Variants in NDST4 observed in about 807,000 individuals in gnomAD.
NDST4 encodes the protein N-heparan sulfate sulfotransferase 4.
A neutral mutation model predicts 100.8 loss-of-function variants in NDST4; 63 were observed. The observed-to-expected ratio is 0.62, with a 90% CI of 0.51 to 0.77. The LOEUF (loss-of-function observed/expected upper bound fraction) is 0.77, where lower values mean the gene tolerates loss of function less well. Among genes scored for constraint, NDST4 ranks in the 30% least tolerant of loss-of-function variants. The probability of loss-of-function intolerance (pLI) is 0.00; values close to 1 mark genes in which losing one functional copy is unlikely to be tolerated. For missense variants in NDST4, 943 were observed against 1,018.4 expected (o/e 0.93, Z 1.01); for synonymous variants, 377 against 361.8 (o/e 1.04, Z -0.48).
At chr4:114,919,642 A>C (rs1441847019) in intron 6 of NDST4, among the ~76,000 whole-genome samples, 1 of 152,236 alleles carries the variant, frequency 6.6e-6, no homozygotes, top group Admixed American at 6.5e-5. Flanking sequence ...GGGCCAGGTC[A>C]TGGTCCAGAG....
intron 2 of NDST4, among the ~76,000 whole-genome samples, chr4:115,005,263 T>C (rs1727387675): frequency 6.6e-6 from 1 of 152,168 alleles, no homozygotes; most frequent in South Asian, 2.1e-4. Flanking sequence ...GGAGACAGTC[T>C]ATAGACCTAA....
Position 114,891,788 on chromosome 4 carries a change from A to G in NDST4, c.1537-20838T>C, listed in dbSNP as rs143165973. ...TCTCGTTAAAGCTGAGGTTGCTTCA[A>G]AACTATTTGAGGCCCTTCATGGTCT... On this transcript the variant is annotated intron_variant, in intron 6 of 13. Coordinates refer to ENST00000264363, the MANE Select transcript of NDST4 (RefSeq NM_022569.3). Among the ~76,000 whole-genome samples the G allele has an allele frequency of 2.6e-5, 4 of 152,192 alleles. 1 individual carries two copies. In the East Asian group the frequency reaches 7.7e-4, roughly 29 times the overall value.
At chr4:114,950,797 T>C (rs189272574) in intron 4 of NDST4, among the ~76,000 whole-genome samples, 53 of 152,236 alleles carry the variant, frequency 3.5e-4, no homozygotes, top group African/African-American at 1.2e-3. Context: ...TTGTTCATTT[T>C]TTTTTCTTAC....
intron 2 of NDST4, among the ~76,000 whole-genome samples, chr4:115,061,458 T>A (rs1248837647): frequency 6.6e-6 from 1 of 151,592 alleles, no homozygotes; most frequent in Non-Finnish European, 1.5e-5. Flanking sequence ...AAAGAATGAG[T>A]TCATGTCCTT....
chr4:114,845,959 C>G lies in NDST4; in HGVS notation c.1979G>C (p.Ser660Thr), dbSNP rs202183373. Reference sequence around the variant, plus strand: ...AGCACTCTTTTCAAACAGAAAGTCACTTGTAGTATTGGATGGTGTAGGGAA... The same window carrying G: ...AGCACTCTTTTCAAACAGAAAGTCAGTTGTAGTATTGGATGGTGTAGGGAA... ...DFFPTPSNTT[S>T]DFLFEKSANY... The change falls in exon 10 of 14, where the codon AGT becomes ACT. Residue 660 changes from serine (S) to threonine (T), a missense_variant. This residue lies in a region of NDST4 where 526 missense variants were observed against 634.1 expected (regional missense o/e 0.83). Coordinates refer to ENST00000264363, the MANE Select transcript of NDST4 (RefSeq NM_022569.3). 1 of 1,613,702 alleles carries G rather than the reference C, an allele frequency of 6.2e-7. No individual in the cohort carries two copies. The highest frequency in any genetic ancestry group is 1.3e-5 in the African/African-American group (1 of 75,020).
intron 6 of NDST4, among the ~76,000 whole-genome samples, chr4:114,879,059 T>C (rs1208066319): frequency 1.3e-5 from 2 of 152,260 alleles, no homozygotes; most frequent in South Asian, 2.1e-4. Flanking sequence ...TGATAAATAA[T>C]AATTGTATAT....
intron 2 of NDST4, among the ~76,000 whole-genome samples, chr4:115,023,938 G>A (rs578201808): frequency 9.9e-5 from 15 of 151,498 alleles, no homozygotes; most frequent in Admixed American, 1.3e-4. Context: ...CCATTCCAGT[G>A]CAATGCTTCT....
In NDST4 at chr4:115,042,737, A is replaced by G. The variant is rs1272256598; in HGVS notation, c.978+33322T>C. Among the ~76,000 whole-genome samples the G allele has an allele frequency of 3.9e-5, 6 of 152,068 alleles. No individual in the cohort carries two copies. In the East Asian group the frequency reaches 7.7e-4, roughly 20 times the overall value. On this transcript the variant is annotated intron_variant, in intron 2 of 13. Transcript: ENST00000264363. ...GAGGGGAGACTACTGCACTCATTAT[A>G]TACTAGGCATCTTAACAACTGGCAG...
intron 3 of NDST4, among the ~76,000 whole-genome samples, chr4:114,972,583 T>G (rs1726538079): frequency 6.6e-6 from 1 of 152,032 alleles, no homozygotes; most frequent in African/African-American, 2.4e-5. Flanking sequence ...GTTTACCACT[T>G]CCTCAGATGA....
chr4:114,964,812 T>C lies in NDST4; in HGVS notation c.1221+5618A>G, dbSNP rs576642698. On this transcript the variant is annotated intron_variant, in intron 4 of 13. Transcript: ENST00000264363. The stretch of plus-strand genomic sequence containing the variant: ...ATTCCACTCTTTGATTCTACCAATT[T>C]GACTGTTTTAGATACCTTATATAAG... Among the ~76,000 whole-genome samples, 16 of 152,312 alleles carry C rather than the reference T, an allele frequency of 1.1e-4. No homozygotes were observed. The South Asian group carries it at 2.5e-3, about 24-fold the overall frequency.
At chr4:114,978,854 CATTT>C (rs1726702193) in intron 2 of NDST4, among the ~76,000 whole-genome samples, 1 of 152,026 alleles carries the variant, frequency 6.6e-6, no homozygotes, top group South Asian at 2.1e-4. Flanking sequence ...CATTATTCTG[CATTT>C]ATTTATCTGT....
intron 2 of NDST4, among the ~76,000 whole-genome samples, chr4:115,045,118 A>T (rs563954377): frequency 5.8e-4 from 88 of 152,252 alleles, no homozygotes; most frequent in African/African-American, 2.0e-3. Context: ...GTCTAATAAG[A>T]GAAATCCACA....
intron 2 of NDST4, among the ~76,000 whole-genome samples, chr4:115,045,447 A>G (rs777683546): frequency 1.3e-5 from 2 of 152,198 alleles, no homozygotes; most frequent in Non-Finnish European, 2.9e-5. Context: ...AGAAGAACTT[A>G]TACTTCAATT....
chr4:115,084,692 C>A (rs1400171009), intron 1 of NDST4, among the ~76,000 whole-genome samples: 3 of 152,184 alleles, frequency 2.0e-5, no homozygotes, highest in Non-Finnish European at 4.4e-5. Context: ...GCCTTGGTGG[C>A]TTTCATGTGG....
At position 115,025,105 on chromosome 4, in the gene NDST4, C is replaced by CGTTCATTATAAATTACT. The variant is rs1439804115; in HGVS notation, c.979-47832_979-47831insAGTAATTTATAATGAAC. 6.6e-5 allele frequency among the ~76,000 whole-genome samples: 10 copies of CGTTCATTATAAATTACT among 152,248 alleles called. No individual in the cohort carries two copies. In the South Asian group the frequency reaches 1.2e-3, roughly 19 times the overall value. On this transcript the variant is annotated intron_variant, in intron 2 of 13. Coordinates refer to ENST00000264363, the MANE Select transcript of NDST4 (RefSeq NM_022569.3). ...TAAATTTCTGTTCATTATAAATTAC[C>CGTTCATTATAAATTACT]GAGTCTTGTTATTCTGTAATAGCAG...
At chr4:115,099,177 T>C (rs1054692716) in intron 1 of NDST4, among the ~76,000 whole-genome samples, 1 of 152,218 alleles carries the variant, frequency 6.6e-6, no homozygotes, top group Non-Finnish European at 1.5e-5. Context: ...TATTTGTAGA[T>C]ATAAATTTAT....
chr4:115,110,355 T>C (rs534242930), intron 1 of NDST4, among the ~76,000 whole-genome samples: 2 of 152,094 alleles, frequency 1.3e-5, no homozygotes, highest in African/African-American at 4.8e-5. Flanking sequence ...CTGAAGGCGG[T>C]AGCATTGTGT....
rs181178726 is a variant in NDST4 at position 115,010,602 on chromosome 4, T to G, written c.979-33328A>C. ...CCTTATGCTAAATGACGAGTTAATG[T>G]GTGCAGCACACCAGCATGGCACATG... On this transcript the variant is annotated intron_variant, in intron 2 of 13. Coordinates refer to ENST00000264363, the MANE Select transcript of NDST4 (RefSeq NM_022569.3). Among the ~76,000 whole-genome samples the G allele has an allele frequency of 7.9e-3, 900 of 113,898 alleles. 225 individuals carry two copies. The highest frequency in any genetic ancestry group is 0.028 in the African/African-American group (844 of 29,822). 74.7% of individuals were successfully genotyped at this position (113,898 alleles called of 152,430 possible).
chr4:115,038,329 C>A (rs1391357309), intron 2 of NDST4, among the ~76,000 whole-genome samples: 1 of 151,892 alleles, frequency 6.6e-6, no homozygotes, highest in Non-Finnish European at 1.5e-5. Context: ...TTAGTGACAG[C>A]CAAAAGGAGA....
Sources: gnomAD v4.1 joint callset for allele counts (sites outside exome capture counted in the v4.1 genomes callset) on GRCh38, gnomAD v4.1.1 for gene constraint, gnomAD v4.1.1 regional missense constraint, MANE v1.5 for transcripts, NCBI Gene and HGNC (gene_info 2026-07-23, HGNC 2026-07-21) for gene names.